The following LARS2 variants were observed in gnomAD, a reference collection of about 807,000 sequenced individuals.
LARS2 encodes the protein leucine--tRNA ligase, mitochondrial.
In LARS2, 81 loss-of-function variants were observed where a neutral mutation model predicts 116.6. The ratio of observed to expected loss-of-function variants is 0.69; its 90% CI spans 0.58 to 0.84. The LOEUF (loss-of-function observed/expected upper bound fraction) is 0.84. LARS2 is among the 40% of genes least tolerant of loss of function. The pLI is 0.00. For synonymous variants in LARS2, 396 were observed against 407.2 expected, an observed-to-expected ratio of 0.97 and a Z score of 0.33; for missense variants, 968 against 1,114.5, an observed-to-expected ratio of 0.87 and a Z score of 1.87.
intron 6 of LARS2, 62 bp downstream of exon 6, chr3:45,419,791 A>G (rs1446733187): frequency 4.5e-6 from 6 of 1,328,296 alleles, no homozygotes; most frequent in Non-Finnish European, 5.4e-6. Context: ...GGCAGGGAGC[A>G]CTCTTCTTCC....
At chr3:45,400,427 A>G in intron 4 of LARS2, 54 bp downstream of exon 4, 1 of 1,528,268 alleles carries the variant, frequency 6.5e-7, no homozygotes, top group Non-Finnish European at 8.8e-7. Context: ...CAGGGTTGGC[A>G]TGTAGTAATA....
Position 45,517,890 on chromosome 3 carries a change from A to T in LARS2, c.2045-13A>T. ...CACGCTCTCTCTTTCTCATTTACTG[A>T]TGCTGAATTCAGCTGATGCTCTCCC... is the stretch of plus-strand genomic sequence containing the variant. On this transcript the variant is annotated splice_polypyrimidine_tract_variant and intron_variant, in intron 17 of 21. Coordinates refer to ENST00000645846, the MANE Select transcript of LARS2 (RefSeq NM_015340.4). The T allele has an allele frequency of 1.2e-6, 2 of 1,606,690 alleles. No homozygotes were observed. Among genetic ancestry groups the T allele is most frequent in the Non-Finnish European group, 1.7e-6 (2 of 1,176,306 alleles).
At chr3:45,515,143 C>T (rs906124329) in intron 16 of LARS2, among the ~76,000 whole-genome samples, 18 of 152,174 alleles carry the variant, frequency 1.2e-4, no homozygotes, top group African/African-American at 4.3e-4. Flanking sequence ...TAGAGCTAGG[C>T]CCCACTGCTC....
At chr3:45,439,638 T>A (rs577880528) in intron 6 of LARS2, among the ~76,000 whole-genome samples, 20 of 150,872 alleles carry the variant, frequency 1.3e-4, no homozygotes, top group African/African-American at 4.4e-4. Flanking sequence ...TTTTTTTTTT[T>A]ATGTTTGTTT....
rs1700797763 is a variant in LARS2 at position 45,541,647 on chromosome 3, CCAA to C, written c.2405-177_2405-175del. The C allele has an allele frequency of 9.6e-6, 6 of 627,794 alleles. No individual in the cohort carries two copies. The Admixed American group carries it at 1.3e-4, about 13-fold the overall frequency. 38.9% of individuals were successfully genotyped at this position (627,794 alleles called of 1,614,324 possible). Reference sequence around the variant, plus strand: ...GCCATTTGTGAAAAACAAAAGCTACCCAACAACCTGGGATTATAAACCAGGCCA... The same window carrying C: ...GCCATTTGTGAAAAACAAAAGCTACCCAACCTGGGATTATAAACCAGGCCA... On this transcript the variant is annotated intron_variant, in intron 20 of 21. Transcript: ENST00000645846.
At chr3:45,412,520 A>G (rs868471165) in intron 4 of LARS2, among the ~76,000 whole-genome samples, 12 of 152,360 alleles carry the variant, frequency 7.9e-5, no homozygotes, top group Middle Eastern at 3.4e-3. Context: ...TCATTGTATT[A>G]TGCCATTTCA....
chr3:45,508,870 C>T (rs1387830493), intron 15 of LARS2, among the ~76,000 whole-genome samples: 2 of 151,796 alleles, frequency 1.3e-5, no homozygotes, highest in African/African-American at 4.8e-5. Context: ...CCCTCCCTAC[C>T]TTTCCTCCCC....
At chr3:45,501,748 A>G (rs1700126054) in intron 15 of LARS2, among the ~76,000 whole-genome samples, 1 of 152,204 alleles carries the variant, frequency 6.6e-6, no homozygotes, top group African/African-American at 2.4e-5. Context: ...CTTGAGAAAC[A>G]CCAAACTGTT....
chr3:45,491,520 ACAGGTATGACCCGG>A lies in LARS2; in HGVS notation c.1248_1261del (p.Met417CysfsTer21), dbSNP rs776214295. 3 of 1,613,792 alleles carry A rather than the reference ACAGGTATGACCCGG, an allele frequency of 1.9e-6. No individual in the cohort carries two copies. Among genetic ancestry groups the A allele is most frequent in the Non-Finnish European group, 2.5e-6 (3 of 1,179,716 alleles). ...CTTTCTTTTCTTTCCCTGTCAGTTC[ACAGGTATGACCCGG>A]CAGGATGCTTTTCTAGCCCTGACTC... On this transcript the variant is annotated frameshift_variant, in exon 13 of 22. Coordinates refer to ENST00000645846, the MANE Select transcript of LARS2 (RefSeq NM_015340.4). LOFTEE classifies it high-confidence loss of function.
intron 8 of LARS2, among the ~76,000 whole-genome samples, chr3:45,472,708 A>C (rs904239707): frequency 1.3e-5 from 2 of 152,248 alleles, no homozygotes; most frequent in African/African-American, 4.8e-5. Context: ...GCAGAGTATC[A>C]GACTGAATAT....
At chr3:45,459,506 C>A (rs1392785122) in intron 8 of LARS2, among the ~76,000 whole-genome samples, 1 of 152,220 alleles carries the variant, frequency 6.6e-6, no homozygotes, top group African/African-American at 2.4e-5. Flanking sequence ...CTCATCAATA[C>A]AATGAGCAGG....
intron 8 of LARS2, among the ~76,000 whole-genome samples, chr3:45,463,702 G>T (rs532418850): frequency 4.0e-5 from 6 of 151,872 alleles, no homozygotes; most frequent in African/African-American, 1.4e-4. Context: ...GTTATTGAGT[G>T]CCTGGCCAGA....
At chr3:45,480,370 C>A (rs1699679020) in intron 10 of LARS2, among the ~76,000 whole-genome samples, 1 of 152,230 alleles carries the variant, frequency 6.6e-6, no homozygotes, top group African/African-American at 2.4e-5. Context: ...GGACTGCCGC[C>A]TTGGTGAACA....
At chr3:45,422,712 A>G (rs914778979) in intron 6 of LARS2, among the ~76,000 whole-genome samples, 17 of 152,164 alleles carry the variant, frequency 1.1e-4, no homozygotes, top group Admixed American at 9.2e-4. Flanking sequence ...ATTGCTTTTA[A>G]TACTTGGCAA....
chr3:45,458,557 G>A (rs1328338710), intron 7 of LARS2, among the ~76,000 whole-genome samples, 186 bp from the exon 8 acceptor site: 1 of 152,156 alleles, frequency 6.6e-6, no homozygotes, highest in Non-Finnish European at 1.5e-5. Context: ...AGGTGTGGTG[G>A]TGGGCACCTG....
intron 6 of LARS2, among the ~76,000 whole-genome samples, chr3:45,438,534 T>C (rs1302283634): frequency 1.3e-5 from 2 of 151,732 alleles, no homozygotes; most frequent in East Asian, 3.9e-4. Flanking sequence ...GATGAGAGGA[T>C]GGGCTGGGTG....
intron 20 of LARS2, among the ~76,000 whole-genome samples, chr3:45,531,231 T>C (rs1047015944): frequency 6.6e-6 from 1 of 151,768 alleles, no homozygotes; most frequent in African/African-American, 2.4e-5. Flanking sequence ...GAAAAATATA[T>C]GTAGACTGAT....
chr3:45,430,392 C>T (rs1698682136), intron 6 of LARS2, among the ~76,000 whole-genome samples: 1 of 151,144 alleles, frequency 6.6e-6, no homozygotes. Flanking sequence ...CATTCTCCTG[C>T]CTCAGCCTCC....
chr3:45,539,864 A>G (rs181255183), intron 20 of LARS2, among the ~76,000 whole-genome samples: 30 of 147,774 alleles, frequency 2.0e-4, no homozygotes, highest in African/African-American at 6.5e-4. Context: ...AAGAACATAC[A>G]AAACTGTATT....
Sources: allele counts gnomAD v4.1 joint callset (sites outside exome capture counted in the v4.1 genomes callset), GRCh38; gene constraint gnomAD v4.1.1; transcripts MANE v1.5; gene names NCBI Gene and HGNC (gene_info 2026-07-23, HGNC 2026-07-21).